ZMAT4: variants seen among roughly 807,000 people sequenced by gnomAD.
The protein encoded by ZMAT4 is zinc finger matrin-type 4, also known as zinc finger matrin-type protein 4.
A neutral mutation model predicts 28.7 loss-of-function variants in ZMAT4; 17 were observed. That is an observed-to-expected ratio of 0.59 (90% CI 0.41 to 0.89). The LOEUF is 0.89. Ranked by LOEUF, ZMAT4 falls within the 40% of genes least tolerant of loss-of-function variation. ZMAT4 has a pLI of 0.00. For synonymous variants in ZMAT4, 117 were observed against 109.2 expected, an observed-to-expected ratio of 1.07 and a Z score of -0.44; for missense variants, 240 against 283.8, an observed-to-expected ratio of 0.85 and a Z score of 1.11.
At chr8:40,619,627 G>T (rs1806128782) in intron 5 of ZMAT4, among the ~76,000 whole-genome samples, 1 of 152,204 alleles carries the variant, frequency 6.6e-6, no homozygotes, top group Non-Finnish European at 1.5e-5. Flanking sequence ...GCATGCAGGG[G>T]CAAGGTCCAA....
chr8:40,860,679 A>C lies in ZMAT4; in HGVS notation c.-4-34999T>G, dbSNP rs531098147. On this transcript the variant is annotated intron_variant, in intron 1 of 6. Coordinates refer to ENST00000297737, the MANE Select transcript of ZMAT4 (RefSeq NM_024645.3). ...ACAGACCACATACTACATGTCTCTC[A>C]CTTGACTGGGAAGAGCTTCTGGCTT... 5.3e-5 allele frequency among the ~76,000 whole-genome samples: 8 copies of C among 152,328 alleles called. No homozygotes were observed. In the South Asian group the frequency reaches 1.7e-3, roughly 32 times the overall value.
chr8:40,710,382 G>A (rs1810555042), intron 3 of ZMAT4, among the ~76,000 whole-genome samples: 1 of 152,096 alleles, frequency 6.6e-6, no homozygotes, highest in South Asian at 2.1e-4. Flanking sequence ...CATACTCAGT[G>A]TAGAAAAAGA....
intron 2 of ZMAT4, among the ~76,000 whole-genome samples, chr8:40,774,136 A>G (rs6989697): frequency 0.82 from 124,592 of 152,118 alleles, 52,543 homozygotes; most frequent in Non-Finnish European, 0.94. Flanking sequence ...TATTTGCAGC[A>G]TGTAAAAGAA....
chr8:40,632,015 C>A (rs963924697), intron 5 of ZMAT4, among the ~76,000 whole-genome samples: 3 of 152,206 alleles, frequency 2.0e-5, no homozygotes, highest in African/African-American at 7.2e-5. Flanking sequence ...CTGCTCAAAT[C>A]CAGGTTTTTT....
intron 1 of ZMAT4, among the ~76,000 whole-genome samples, chr8:40,889,809 T>C (rs911181329): frequency 2.0e-5 from 3 of 152,240 alleles, no homozygotes; most frequent in Non-Finnish European, 4.4e-5. Context: ...CTGAAAGGAA[T>C]ATTCTTAATT....
intron 6 of ZMAT4, among the ~76,000 whole-genome samples, chr8:40,539,030 C>A (rs1424201440): frequency 6.6e-6 from 1 of 152,050 alleles, no homozygotes; most frequent in Non-Finnish European, 1.5e-5. Flanking sequence ...GTGATCCACC[C>A]GCCTTGGCCT....
At chr8:40,651,559 C>T (rs1193793921) in intron 5 of ZMAT4, among the ~76,000 whole-genome samples, 6 of 147,984 alleles carry the variant, frequency 4.1e-5, no homozygotes, top group African/African-American at 1.5e-4. Flanking sequence ...CCTTTCTTCA[C>T]AGAATTGGAA....
chr8:40,689,478 TAAAG>T (rs1333833413), intron 4 of ZMAT4, among the ~76,000 whole-genome samples: 1 of 152,228 alleles, frequency 6.6e-6, no homozygotes, highest in Non-Finnish European at 1.5e-5. Context: ...ATCTGATTCT[TAAAG>T]AAACCAATCT....
intron 1 of ZMAT4, among the ~76,000 whole-genome samples, chr8:40,870,166 CA>C (rs1163648265): frequency 6.6e-6 from 1 of 152,126 alleles, no homozygotes; most frequent in Non-Finnish European, 1.5e-5. Context: ...AGGGCTGCTC[CA>C]GACAACTTTT....
chr8:40,870,595 G>A (rs1440986329), intron 1 of ZMAT4, among the ~76,000 whole-genome samples: 2 of 152,160 alleles, frequency 1.3e-5, no homozygotes, highest in Non-Finnish European at 2.9e-5. Context: ...TGTTGCTAAA[G>A]CCCTCAGTAT....
chr8:40,719,823 C>T (rs779271052), intron 3 of ZMAT4, among the ~76,000 whole-genome samples: 1 of 152,196 alleles, frequency 6.6e-6, no homozygotes, highest in South Asian at 2.1e-4. Context: ...TGCCCCCCCT[C>T]AGCCTCCCAA....
intron 3 of ZMAT4, among the ~76,000 whole-genome samples, chr8:40,699,799 C>A (rs1006245170): frequency 1.3e-5 from 2 of 152,244 alleles, no homozygotes; most frequent in Non-Finnish European, 2.9e-5. Flanking sequence ...TAAGCCAGAG[C>A]TTAATTCTCA....
intron 1 of ZMAT4, among the ~76,000 whole-genome samples, chr8:40,881,594 GAAAGA>G (rs368405719): frequency 0.078 from 8,428 of 108,178 alleles, 899 homozygotes; most frequent in Middle Eastern, 0.1. Flanking sequence ...AAGAAAGAAA[GAAAGA>G]AAAGAAAAGA....
intron 5 of ZMAT4, among the ~76,000 whole-genome samples, chr8:40,659,083 T>A (rs1266231033): frequency 6.6e-6 from 1 of 152,102 alleles, no homozygotes; most frequent in Non-Finnish European, 1.5e-5. Context: ...TTGGAAAATA[T>A]GAGTGACAAT....
intron 1 of ZMAT4, among the ~76,000 whole-genome samples, chr8:40,850,714 G>T (rs949112448): frequency 6.6e-6 from 1 of 152,108 alleles, no homozygotes; most frequent in Non-Finnish European, 1.5e-5. Flanking sequence ...GATCACGTGG[G>T]GTGGGATTAA....
chr8:40,758,776 C>T lies in ZMAT4; in HGVS notation c.192+8865G>A, dbSNP rs59193897. On this transcript the variant is annotated intron_variant, in intron 3 of 6. Coordinates refer to ENST00000297737, the MANE Select transcript of ZMAT4 (RefSeq NM_024645.3). ...TGGTGACAGTGCTCCCTAGCATAAG[C>T]GTGCAGCAAAGCAGAGACACAGACT... 0.015 allele frequency among the ~76,000 whole-genome samples: 2,320 copies of T among 152,216 alleles called. 117 individuals are homozygous for T. In the East Asian group the frequency reaches 0.18, roughly 12 times the overall value.
chr8:40,713,273 T>G (rs2150509768), intron 3 of ZMAT4, among the ~76,000 whole-genome samples: 1 of 152,158 alleles, frequency 6.6e-6, no homozygotes, highest in South Asian at 2.1e-4. Flanking sequence ...AACCATAAAG[T>G]CACTAGGAGA....
At position 40,787,566 on chromosome 8, in the gene ZMAT4, G is replaced by A. The variant is rs139033175; in HGVS notation, c.103-19836C>T. ...GAGAACTTTCATGTTTTCACTTAAA[G>A]GAAACACTTTACAGCTTCTCTTTGG... On this transcript the variant is annotated intron_variant, in intron 2 of 6. Transcript: ENST00000297737. Among the ~76,000 whole-genome samples, 553 of 152,310 alleles carry A rather than the reference G, an allele frequency of 3.6e-3. 2 individuals are homozygous for A. The highest frequency in any genetic ancestry group is 0.012 in the African/African-American group (511 of 41,558).
intron 2 of ZMAT4, chr8:40,786,551 T>C (rs1814095775): frequency 3.4e-5 from 16 of 466,380 alleles, no homozygotes; most frequent in South Asian, 3.2e-4. Context: ...TGAAGTATTT[T>C]GGTTGAGTTA....
Sources: gnomAD v4.1 joint callset for allele counts (sites outside exome capture counted in the v4.1 genomes callset) on GRCh38, gnomAD v4.1.1 for gene constraint, MANE v1.5 for transcripts, NCBI Gene and HGNC (gene_info 2026-07-23, HGNC 2026-07-21) for gene names.